Variants in SLX9 observed in about 807,000 individuals in gnomAD.
SLX9 encodes the protein ribosome biogenesis protein SLX9 homolog.
In SLX9, 19 loss-of-function variants were observed where a neutral mutation model predicts 20.8. The observed-to-expected ratio is 0.91, with a 90% CI of 0.64 to 1.34. The LOEUF is 1.34. SLX9 is among the 40% of genes most tolerant of loss of function. The probability of loss-of-function intolerance (pLI) is 0.00; values close to 1 mark genes in which losing one functional copy is unlikely to be tolerated. For missense variants in SLX9, 299 were observed against 322.2 expected (o/e 0.93, Z 0.55); for synonymous variants, 113 against 137.1 (o/e 0.82, Z 1.23).
Position 44,940,137 on chromosome 21 carries a change from C to A in SLX9, c.80C>A (p.Ala27Glu). Residue 27 changes from alanine to glutamate, a missense_variant, in exon 1 of 6, where the codon GCG becomes GAG. Transcript: ENST00000291634. ...AAAGGGGAGGCCGCCCCCGGCCCCG[C>A]GCCCCCTGCCCCGGAGGCGACCCCT... Reference protein sequence around the residue: ...RPKGEAAPGPAPPAPEATPPP... With the variant: ...RPKGEAAPGPEPPAPEATPPP... The A allele has an allele frequency of 7.4e-7, 1 of 1,347,828 alleles. No homozygotes were observed. Among genetic ancestry groups the A allele is most frequent in the Non-Finnish European group, 9.6e-7 (1 of 1,043,122 alleles). The allele number at this position is 1,347,828 out of a possible 1,614,324, so 83.5% of individuals were successfully genotyped here.
chr21:44,974,910 G>A (rs1250838509), intron 5 of SLX9, among the ~76,000 whole-genome samples: 2 of 152,210 alleles, frequency 1.3e-5, no homozygotes, highest in Non-Finnish European at 2.9e-5. Context: ...CAGGGCGACG[G>A]GTTTTCCTCT....
intron 4 of SLX9, 174 bp from the exon 5 acceptor site, chr21:44,973,023 C>G: frequency 1.4e-6 from 1 of 717,580 alleles, no homozygotes; most frequent in East Asian, 2.7e-5. Context: ...CACTGCTTGT[C>G]CAGGTCTCGC....
intron 3 of SLX9, 93 bp downstream of exon 3, chr21:44,960,261 A>G (rs1298062343): frequency 8.3e-6 from 10 of 1,210,306 alleles, no homozygotes; most frequent in Admixed American, 1.7e-5. Flanking sequence ...GGCCTTCTAC[A>G]TCAGCCACAC....
At chr21:44,955,677 T>A (rs2146639359) in intron 2 of SLX9, among the ~76,000 whole-genome samples, 1 of 152,302 alleles carries the variant, frequency 6.6e-6, no homozygotes, top group South Asian at 2.1e-4. Flanking sequence ...GTGCTGCTGC[T>A]CCCGGCCCCC....
chr21:44,953,420 A>G (rs1026982829), intron 2 of SLX9, among the ~76,000 whole-genome samples: 6 of 146,550 alleles, frequency 4.1e-5, no homozygotes, highest in Non-Finnish European at 7.5e-5. Flanking sequence ...GGTGAGCAGC[A>G]CAGCCACTCC....
chr21:44,942,375 T>C (rs9976402), intron 1 of SLX9, among the ~76,000 whole-genome samples: 68,199 of 152,044 alleles, frequency 0.45, 17,198 homozygotes, highest in African/African-American at 0.69. Flanking sequence ...CTTTTCTGTC[T>C]CTGCCACGTA....
intron 4 of SLX9, among the ~76,000 whole-genome samples, chr21:44,967,636 T>G (rs1482771401): frequency 1.3e-5 from 2 of 152,134 alleles, no homozygotes; most frequent in Non-Finnish European, 2.9e-5. Flanking sequence ...AGTGGACCTT[T>G]CCCTGATGCC....
At chr21:44,951,672 C>A (rs563576362) in intron 2 of SLX9, among the ~76,000 whole-genome samples, 1 of 152,154 alleles carries the variant, frequency 6.6e-6, no homozygotes, top group African/African-American at 2.4e-5. Context: ...CCCCCGGAGC[C>A]GCCCGAGCGC....
At chr21:44,946,488 T>A (rs2084645283) in intron 2 of SLX9, among the ~76,000 whole-genome samples, 1 of 152,228 alleles carries the variant, frequency 6.6e-6, no homozygotes, top group African/African-American at 2.4e-5. Flanking sequence ...GGGAGGAGCC[T>A]TGGCCTGGGG....
At chr21:44,967,753 C>T (rs2085065034) in intron 4 of SLX9, among the ~76,000 whole-genome samples, 1 of 152,182 alleles carries the variant, frequency 6.6e-6, no homozygotes, top group Non-Finnish European at 1.5e-5. Context: ...GTGGGACCCA[C>T]TCATGCAGGG....
chr21:44,953,474 G>A (rs939313096), intron 2 of SLX9, among the ~76,000 whole-genome samples: 11 of 152,092 alleles, frequency 7.2e-5, no homozygotes, highest in Admixed American at 6.5e-4. Flanking sequence ...TCCGGGCCTC[G>A]GGAGCCTGTC....
At chr21:44,968,646 C>G (rs554545981) in intron 4 of SLX9, among the ~76,000 whole-genome samples, 1 of 151,816 alleles carries the variant, frequency 6.6e-6, no homozygotes, top group Non-Finnish European at 1.5e-5. Context: ...TGGGCTCAGG[C>G]GGGGGCTGTG....
At chr21:44,972,012 AG>A (rs1294559192) in intron 4 of SLX9, among the ~76,000 whole-genome samples, 1 of 152,210 alleles carries the variant, frequency 6.6e-6, no homozygotes, top group Non-Finnish European at 1.5e-5. Flanking sequence ...GCGCAGAGCT[AG>A]GGTTAAAAGA....
intron 4 of SLX9, among the ~76,000 whole-genome samples, chr21:44,967,631 A>C (rs2085062478): frequency 6.6e-6 from 1 of 152,040 alleles, no homozygotes; most frequent in Admixed American, 6.5e-5. Flanking sequence ...TCCTGAGTGG[A>C]CCTTTCCCTG....
chr21:44,943,770 G>A lies in SLX9; in HGVS notation c.216G>A (p.Arg72=), dbSNP rs201505042. 6.2e-7 allele frequency: 1 copy of A among 1,614,100 alleles called. No individual in the cohort carries two copies. Among genetic ancestry groups the A allele is most frequent in the Non-Finnish European group, 8.5e-7 (1 of 1,180,036 alleles). The change falls in exon 2 of 6, where the codon AGG becomes AGA. Residue 72 remains arginine (R), a synonymous_variant. Transcript: ENST00000291634. The part of the protein sequence containing the change: ...ALVQKLELDV[R]SVTSVRRGEA... ...TGCAGAAGCTGGAGCTGGACGTGAG[G>A]AGTGTCACTTCCGTCAGGAGAGGTG...
chr21:44,962,501 GCAGTC>G (rs2084963577), intron 3 of SLX9, among the ~76,000 whole-genome samples: 1 of 152,236 alleles, frequency 6.6e-6, no homozygotes. Context: ...GCATGTAGCA[GCAGTC>G]CATGCCTTTT....
intron 2 of SLX9, 62 bp downstream of exon 2, chr21:44,943,899 G>T: frequency 6.2e-7 from 1 of 1,605,832 alleles, no homozygotes; most frequent in Non-Finnish European, 8.5e-7. Flanking sequence ...GTTCCCTCAG[G>T]CACCCGAGGT....
intron 3 of SLX9, among the ~76,000 whole-genome samples, chr21:44,962,821 C>A (rs778337096): frequency 6.6e-6 from 1 of 152,190 alleles, no homozygotes; most frequent in Non-Finnish European, 1.5e-5. Flanking sequence ...GCTTTGCCAA[C>A]ACATGGCCTG....
intron 2 of SLX9, among the ~76,000 whole-genome samples, chr21:44,945,351 AG>A (rs1449829621): frequency 1.3e-5 from 2 of 152,172 alleles, no homozygotes; most frequent in African/African-American, 4.8e-5. Flanking sequence ...GTTGCTGACA[AG>A]GCCCTTAAGG....
Sources: allele counts gnomAD v4.1 joint callset (sites outside exome capture counted in the v4.1 genomes callset), GRCh38; gene constraint gnomAD v4.1.1; transcripts MANE v1.5; gene names NCBI Gene and HGNC (gene_info 2026-07-23, HGNC 2026-07-21).